TFEC: variants seen among roughly 807,000 people sequenced by gnomAD.
TFEC encodes the protein transcription factor EC, also known as class E basic helix-loop-helix protein 34.
Under a neutral mutation model 41.6 loss-of-function variants are expected in TFEC, and 31 were observed. The observed-to-expected ratio is 0.74, with a 90% CI of 0.56 to 1.01. The LOEUF (loss-of-function observed/expected upper bound fraction) is 1.01. TFEC is among the 50% of genes least tolerant of loss of function. The pLI, the probability that TFEC is intolerant of heterozygous loss-of-function variation, is 0.00. For synonymous variants in TFEC, 143 were observed against 140.6 expected, an observed-to-expected ratio of 1.02 and a Z score of -0.12; for missense variants, 402 against 404.1, an observed-to-expected ratio of 0.99 and a Z score of 0.04.
At chr7:116,043,732 C>T (rs1796094094) in intron 3 of TFEC, among the ~76,000 whole-genome samples, 1 of 152,028 alleles carries the variant, frequency 6.6e-6, no homozygotes, top group East Asian at 1.9e-4. Context: ...AGAGTGTGAC[C>T]ACCTGATGCA....
At chr7:115,975,393 C>A (rs1793335405) in intron 2 of TFEC, among the ~76,000 whole-genome samples, 1 of 152,016 alleles carries the variant, frequency 6.6e-6, no homozygotes, top group Admixed American at 6.6e-5. Context: ...GGAGTACACT[C>A]TAATAGATAT....
At chr7:116,006,344 G>T (rs1034782949) in intron 1 of TFEC, among the ~76,000 whole-genome samples, 11 of 152,202 alleles carry the variant, frequency 7.2e-5, no homozygotes, top group African/African-American at 2.7e-4. Context: ...AAGCAACAGG[G>T]GTGGAGCTGC....
At chr7:115,994,083 C>A (rs1356625080) in intron 1 of TFEC, among the ~76,000 whole-genome samples, 2 of 152,164 alleles carry the variant, frequency 1.3e-5, no homozygotes, top group Non-Finnish European at 2.9e-5. Context: ...TTTGACAAAA[C>A]TGACAAAAAC....
intron 1 of TFEC, chr7:116,120,243 T>C (rs1374690012): frequency 6.6e-6 from 1 of 151,936 alleles, no homozygotes; most frequent in Non-Finnish European, 1.5e-5. Context: ...CATATAACTT[T>C]TTCTCGGATA....
intron 3 of TFEC, among the ~76,000 whole-genome samples, chr7:116,058,940 A>G (rs1191505173): frequency 6.6e-6 from 1 of 151,856 alleles, no homozygotes; most frequent in African/African-American, 2.4e-5. Context: ...TAAAAAAATA[A>G]AGATCACATG....
At chr7:116,101,663 CGT>C (rs1797607928) in intron 3 of TFEC, among the ~76,000 whole-genome samples, 1 of 150,090 alleles carries the variant, frequency 6.7e-6, no homozygotes, top group Non-Finnish European at 1.5e-5. Flanking sequence ...TTTTAAGATA[CGT>C]TGATTGCAGA....
intron 3 of TFEC, among the ~76,000 whole-genome samples, chr7:116,042,670 CA>C (rs1423781351): frequency 6.6e-6 from 1 of 152,082 alleles, no homozygotes; most frequent in African/African-American, 2.4e-5. Context: ...AAAAATCTTC[CA>C]TGCCTGAATC....
chr7:116,138,554 A>G (rs1017550436), intron 1 of TFEC, among the ~76,000 whole-genome samples: 1 of 152,216 alleles, frequency 6.6e-6, no homozygotes, highest in African/African-American at 2.4e-5. Flanking sequence ...GAGAAATGCA[A>G]TCATTTAAAG....
chr7:115,982,360 C>T (rs879202041), intron 2 of TFEC, among the ~76,000 whole-genome samples: 3 of 152,188 alleles, frequency 2.0e-5, no homozygotes, highest in East Asian at 1.9e-4. Flanking sequence ...TGAAACCACA[C>T]AGCTATACTA....
intron 3 of TFEC, among the ~76,000 whole-genome samples, chr7:115,961,577 A>G (rs1792555110): frequency 6.6e-6 from 1 of 151,722 alleles, no homozygotes; most frequent in African/African-American, 2.4e-5. Context: ...GAAGAACAAA[A>G]CAATACAAAG....
At chr7:116,105,578 T>C (rs922522025) in intron 3 of TFEC, among the ~76,000 whole-genome samples, 4 of 152,168 alleles carry the variant, frequency 2.6e-5, no homozygotes, top group African/African-American at 9.7e-5. Context: ...CCAGATCCGT[T>C]GGCATTGACC....
intron 1 of TFEC, among the ~76,000 whole-genome samples, chr7:116,115,089 T>A (rs1202163047): frequency 6.6e-6 from 1 of 152,046 alleles, no homozygotes; most frequent in Non-Finnish European, 1.5e-5. Context: ...GTTAGAGGTA[T>A]CACATGTAAC....
intron 3 of TFEC, among the ~76,000 whole-genome samples, chr7:116,063,202 T>A: frequency 6.6e-6 from 1 of 152,322 alleles, no homozygotes; most frequent in Middle Eastern, 3.4e-3. Context: ...ATATTCTATT[T>A]ATATAAAATA....
chr7:116,057,603 C>T (rs6466566), intron 3 of TFEC, among the ~76,000 whole-genome samples: 27,138 of 151,614 alleles, frequency 0.18, 2,474 homozygotes, highest in East Asian at 0.32. Context: ...TAAACATATA[C>T]AATTTTTAAA....
chr7:115,949,265 C>A (rs886987586), intron 6 of TFEC, among the ~76,000 whole-genome samples: 10 of 152,056 alleles, frequency 6.6e-5, no homozygotes, highest in African/African-American at 2.2e-4. Context: ...GTGAAAATGG[C>A]CATACTGCCC....
intron 2 of TFEC, among the ~76,000 whole-genome samples, chr7:115,982,538 G>A (rs974587549): frequency 2.6e-5 from 4 of 152,154 alleles, no homozygotes; most frequent in African/African-American, 9.7e-5. Context: ...CAAATTCAAA[G>A]AGACCACACA....
intron 3 of TFEC, among the ~76,000 whole-genome samples, chr7:116,059,709 A>G (rs561396365): frequency 2.2e-4 from 34 of 152,204 alleles, no homozygotes; most frequent in African/African-American, 8.2e-4. Context: ...GTAATTCACC[A>G]TATTAACAGA....
intron 1 of TFEC, among the ~76,000 whole-genome samples, chr7:116,140,729 T>C (rs1170115555): frequency 6.6e-6 from 1 of 152,196 alleles, no homozygotes; most frequent in African/African-American, 2.4e-5. Context: ...AATTTTTGCC[T>C]TCCCATTTAG....
chr7:116,140,431 G>C (rs1355069816), intron 1 of TFEC, among the ~76,000 whole-genome samples: 2 of 152,130 alleles, frequency 1.3e-5, no homozygotes, highest in Admixed American at 1.3e-4. Context: ...TCATAAGGAG[G>C]AATTTTAGGC....
Sources: allele counts gnomAD v4.1 joint callset (sites outside exome capture counted in the v4.1 genomes callset), GRCh38; gene constraint gnomAD v4.1.1; transcripts MANE v1.5; gene names NCBI Gene and HGNC (gene_info 2026-07-23, HGNC 2026-07-21).